The following GSE1 variants were observed in gnomAD, a reference collection of about 807,000 sequenced individuals.
GSE1 encodes the protein Gse1 coiled-coil protein.
Under a neutral mutation model 112.6 loss-of-function variants are expected in GSE1, and 32 were observed. The ratio of observed to expected loss-of-function variants is 0.28; its 90% CI spans 0.21 to 0.38. GSE1 has a LOEUF of 0.38. GSE1 is among the 10% of genes least tolerant of loss of function. The probability of loss-of-function intolerance (pLI) is 1.00; values close to 1 mark genes in which losing one functional copy is unlikely to be tolerated. For missense variants in GSE1, 2,348 were observed against 1,699.2 expected (o/e 1.38, Z -6.71); for synonymous variants, 1,115 against 735.6 (o/e 1.52, Z -8.35).
intron 1 of GSE1, among the ~76,000 whole-genome samples, chr16:85,598,273 C>G (rs2047321689): frequency 6.6e-6 from 1 of 151,194 alleles, no homozygotes; most frequent in Non-Finnish European, 1.5e-5. Context: ...TCTCTGGGAC[C>G]CCATGTGCTG....
Position 85,391,290 on chromosome 16 carries a change from A to C in GSE1, c.2464+33647A>C, listed in dbSNP as rs139062384. Among the ~76,000 whole-genome samples the C allele has an allele frequency of 1.2e-3, 177 of 152,372 alleles. 1 individual carries two copies. The highest frequency in any genetic ancestry group is 4.0e-3 in the African/African-American group (166 of 41,588). On this transcript the variant is annotated intron_variant, in intron 2 of 2. Transcript: ENST00000637419. ...CACGCACCCACCCGAAGAAGCAGGC[A>C]TTTTTATCCCTTTTGTCAATTGAGT...
At chr16:85,206,836 C>G (rs916177743) in intron 1 of GSE1, among the ~76,000 whole-genome samples, 1 of 151,768 alleles carries the variant, frequency 6.6e-6, no homozygotes, top group Non-Finnish European at 1.5e-5. Flanking sequence ...GCTTCCCTGC[C>G]CACCGCCCCC....
At chr16:85,582,186 G>T (rs1277559038) in intron 1 of GSE1, 1 of 152,246 alleles carries the variant, frequency 6.6e-6, no homozygotes, top group African/African-American at 2.4e-5. Context: ...AATGTAAGAG[G>T]ATTCACTTAG....
intron 2 of GSE1, among the ~76,000 whole-genome samples, chr16:85,496,569 C>T (rs1597956506): frequency 1.3e-5 from 2 of 152,330 alleles, no homozygotes; most frequent in East Asian, 1.9e-4. Context: ...ACCCACCCAC[C>T]GCTGGCAGCT....
intron 2 of GSE1, among the ~76,000 whole-genome samples, chr16:85,545,352 C>T (rs2044659597): frequency 6.6e-6 from 1 of 152,208 alleles, no homozygotes; most frequent in Non-Finnish European, 1.5e-5. Context: ...GGGGCAGCCC[C>T]AAAATGGAGG....
At chr16:85,286,256 G>A (rs2045021301) in intron 1 of GSE1, among the ~76,000 whole-genome samples, 1 of 152,224 alleles carries the variant, frequency 6.6e-6, no homozygotes, top group South Asian at 2.1e-4. Flanking sequence ...GTTCAGGCGG[G>A]TCGGCCCACG....
At chr16:85,234,399 G>A (rs1168667366) in intron 1 of GSE1, among the ~76,000 whole-genome samples, 4 of 152,184 alleles carry the variant, frequency 2.6e-5, no homozygotes, top group Non-Finnish European at 5.9e-5. Context: ...TCCGGCTCAT[G>A]GAAGGAGTGA....
At chr16:85,407,871 C>T (rs867397519) in intron 2 of GSE1, among the ~76,000 whole-genome samples, 3 of 27,256 alleles carry the variant, frequency 1.1e-4, no homozygotes, top group African/African-American at 5.4e-4. Context: ...TCAGGCCCCC[C>T]GGATAATCCT....
upstream of GSE1, among the ~76,000 whole-genome samples, chr16:85,612,713 C>G (rs913317175): frequency 2.0e-5 from 3 of 151,646 alleles, no homozygotes; most frequent in African/African-American, 7.3e-5. Flanking sequence ...GGGGGTGGGG[C>G]TTGGGTACAC....
intron 1 of GSE1, among the ~76,000 whole-genome samples, chr16:85,573,256 G>C (rs1322520014): frequency 6.6e-6 from 1 of 152,160 alleles, no homozygotes; most frequent in Non-Finnish European, 1.5e-5. Flanking sequence ...TTTCTGAGTA[G>C]CGGTGACTAC....
At chr16:85,657,718 C>G in intron 8 of GSE1, 114 bp downstream of exon 8, 1 of 673,936 alleles carries the variant, frequency 1.5e-6, no homozygotes. Context: ...CTGCCTGCCT[C>G]TTTCATTTCT....
chr16:85,656,303 C>T (rs759885943), intron 6 of GSE1, 40 bp from the exon 7 acceptor site: 11 of 1,602,464 alleles, frequency 6.9e-6, no homozygotes, highest in Non-Finnish European at 9.4e-6. Context: ...TCTCTTGTTC[C>T]TGGTGCAGCA....
chr16:85,312,352 T>C (rs1456692196), intron 1 of GSE1, among the ~76,000 whole-genome samples: 1 of 152,192 alleles, frequency 6.6e-6, no homozygotes, highest in Non-Finnish European at 1.5e-5. Flanking sequence ...ACAGTCGAGC[T>C]GTTGGCAGGG....
chr16:85,327,338 C>T (rs529256811), intron 1 of GSE1, among the ~76,000 whole-genome samples: 9 of 152,324 alleles, frequency 5.9e-5, no homozygotes, highest in African/African-American at 2.2e-4. Flanking sequence ...TGCGGTGGCT[C>T]ACACCTGTAA....
At chr16:85,290,091 C>T (rs555078691) in intron 1 of GSE1, among the ~76,000 whole-genome samples, 13 of 152,254 alleles carry the variant, frequency 8.5e-5, no homozygotes, top group East Asian at 3.9e-4. Context: ...CCAGAGTCGC[C>T]GCTTGGGTTT....
chr16:85,610,992 A>T (rs1386601897), upstream of GSE1, among the ~76,000 whole-genome samples: 1 of 152,216 alleles, frequency 6.6e-6, no homozygotes, highest in Admixed American at 6.5e-5. Flanking sequence ...CTGCTCAAAC[A>T]GGTGGAGAAA....
chr16:85,324,225 G>T (rs962954354), intron 1 of GSE1, among the ~76,000 whole-genome samples: 1 of 152,110 alleles, frequency 6.6e-6, no homozygotes, highest in Non-Finnish European at 1.5e-5. Context: ...TGAAAACATC[G>T]GTGGCCGGGC....
chr16:85,646,184 T>C, intron 2 of GSE1, among the ~76,000 whole-genome samples: 1 of 144,196 alleles, frequency 6.9e-6, no homozygotes, highest in Non-Finnish European at 1.5e-5. Flanking sequence ...GCATTCTACC[T>C]GCTTCTACCA....
chr16:85,198,435 C>T (rs1218318786), intron 1 of GSE1, among the ~76,000 whole-genome samples: 3 of 152,138 alleles, frequency 2.0e-5, no homozygotes, highest in Non-Finnish European at 4.4e-5. Flanking sequence ...CTGTGGTCAA[C>T]ACAGACCAGA....
Sources: allele counts gnomAD v4.1 joint callset (sites outside exome capture counted in the v4.1 genomes callset), GRCh38; gene constraint gnomAD v4.1.1; transcripts MANE v1.5; gene names NCBI Gene and HGNC (gene_info 2026-07-23, HGNC 2026-07-21).